Variants in CORO2B observed in about 807,000 individuals in gnomAD.
The protein encoded by CORO2B is coronin 2B.
CORO2B carries 26 observed loss-of-function variants against 58.8 expected under a neutral mutation model. The ratio of observed to expected loss-of-function variants is 0.44; its 90% CI spans 0.32 to 0.61. CORO2B has a LOEUF of 0.61. Ranked by LOEUF, CORO2B falls within the 20% of genes least tolerant of loss-of-function variation. The pLI is 0.04. For synonymous variants in CORO2B, 242 were observed against 253.8 expected, an observed-to-expected ratio of 0.95 and a Z score of 0.44; for missense variants, 460 against 645.1, an observed-to-expected ratio of 0.71 and a Z score of 3.11.
intron 2 of CORO2B, among the ~76,000 whole-genome samples, chr15:68,666,942 G>T (rs1902211694): frequency 6.6e-6 from 1 of 152,132 alleles, no homozygotes; most frequent in African/African-American, 2.4e-5. Context: ...GCATGCCCTT[G>T]GGTGAGATTT....
At chr15:68,549,918 G>C in the CORO2B span, among the ~76,000 whole-genome samples, 2 of 150,694 alleles carry the variant, frequency 1.3e-5, no homozygotes, top group African/African-American at 2.5e-5. Context: ...TCCAGCCTGG[G>C]CAACAGAGCA....
At chr15:68,568,398 A>G in the CORO2B span, among the ~76,000 whole-genome samples, 9 of 152,180 alleles carry the variant, frequency 5.9e-5, no homozygotes, top group East Asian at 7.7e-4. Flanking sequence ...TACCATTTTC[A>G]TCATCATTTC....
chr15:68,533,152 A>G, the CORO2B span, among the ~76,000 whole-genome samples: 7 of 152,182 alleles, frequency 4.6e-5, no homozygotes, highest in African/African-American at 1.7e-4. Flanking sequence ...GCCTCTAGAC[A>G]CAAATCCCCA....
chr15:68,560,039 A>G, the CORO2B span, among the ~76,000 whole-genome samples: 944 of 152,314 alleles, frequency 6.2e-3, 8 homozygotes, highest in African/African-American at 0.021. Flanking sequence ...CCCAGCAGGG[A>G]GATCCCGGTG....
At chr15:68,559,264 A>G in the CORO2B span, among the ~76,000 whole-genome samples, 4 of 152,138 alleles carry the variant, frequency 2.6e-5, no homozygotes, top group South Asian at 8.3e-4. The surrounding 1 kb of genome is among the most constrained non-coding windows in gnomAD (Gnocchi z 4.3). Context: ...TTTGCATAAG[A>G]AAAAATAATC....
At chr15:68,704,605 C>T (rs754393269) in intron 3 of CORO2B, among the ~76,000 whole-genome samples, 2 of 152,128 alleles carry the variant, frequency 1.3e-5, no homozygotes, top group Non-Finnish European at 2.9e-5. Flanking sequence ...TATTAACTGT[C>T]CTTATCAGCT....
intron 1 of CORO2B, chr15:68,632,342 G>A: frequency 2.0e-6 from 2 of 985,428 alleles, no homozygotes; most frequent in Non-Finnish European, 2.4e-6. Flanking sequence ...GCCCCACCTG[G>A]TAGGTAGCAG....
intron 1 of CORO2B, among the ~76,000 whole-genome samples, chr15:68,602,407 TCACACACACACACACACACACACACACA>T: frequency 7.2e-6 from 1 of 139,056 alleles, no homozygotes; most frequent in Admixed American, 7.2e-5. Context: ...TAGGGGCTGA[TCACACACACACACACACACACACACACA>T]CACACACACA....
intron 1 of CORO2B, among the ~76,000 whole-genome samples, chr15:68,610,271 G>A (rs750376397): frequency 3.9e-5 from 6 of 152,074 alleles, no homozygotes; most frequent in Non-Finnish European, 8.8e-5. Context: ...GTTCTCTAGC[G>A]CCTCGCCTCG....
intron 1 of CORO2B, among the ~76,000 whole-genome samples, chr15:68,596,740 G>A (rs1339495144): frequency 6.6e-6 from 1 of 152,196 alleles, no homozygotes; most frequent in African/African-American, 2.4e-5. Context: ...GGATGGTGTG[G>A]GAGGAGAGGG....
At chr15:68,667,372 T>G (rs1902227799) in intron 2 of CORO2B, among the ~76,000 whole-genome samples, 1 of 152,238 alleles carries the variant, frequency 6.6e-6, no homozygotes, top group African/African-American at 2.4e-5. Context: ...CTTGCCATGT[T>G]TGAGGCAGGG....
the CORO2B span, among the ~76,000 whole-genome samples, chr15:68,545,631 C>CGAGGGGGA: frequency 1.5e-5 from 2 of 131,044 alleles, no homozygotes; most frequent in African/African-American, 5.9e-5. Flanking sequence ...TAATACTGGG[C>CGAGGGGGA]GAGGGGGACT....
At chr15:68,668,915 C>T (rs2140293472) in intron 2 of CORO2B, among the ~76,000 whole-genome samples, 1 of 152,170 alleles carries the variant, frequency 6.6e-6, no homozygotes, top group Non-Finnish European at 1.5e-5. Flanking sequence ...CCCATCTCTA[C>T]TAAAAATACA....
chr15:68,572,940 CCTT>C, the CORO2B span, among the ~76,000 whole-genome samples: 64 of 152,256 alleles, frequency 4.2e-4, no homozygotes, highest in African/African-American at 1.5e-3. Context: ...GTCTGCGGCT[CCTT>C]CTCCCTGGTT....
At chr15:68,559,723 C>G in the CORO2B span, 2 of 827,394 alleles carry the variant, frequency 2.4e-6, no homozygotes, top group Non-Finnish European at 1.5e-6. This position sits in a 1 kb window ranked among gnomAD's most constrained non-coding sequence, Gnocchi z 4.3. Context: ...GGGGGACTGT[C>G]GGTGAGGCTG....
At position 68,710,594 on chromosome 15, in the gene CORO2B, C is replaced by A; in HGVS notation, c.334-138C>A. 3 of 1,023,606 alleles carry A rather than the reference C, an allele frequency of 2.9e-6. No homozygotes were observed. The highest frequency in any genetic ancestry group is 4.1e-6 in the Non-Finnish European group (3 of 738,864). The allele number at this position is 1,023,606 out of a possible 1,614,324, so 63.4% of individuals were successfully genotyped here. ...GACCTCCCAGCAGGCCTCAGTCGAG[C>A]TTTGCCCATCGCCTCAAGCCAGGAG... On this transcript the variant is annotated intron_variant, in intron 3 of 11. Transcript: ENST00000261861. This position sits in a 1 kb window ranked among gnomAD's most constrained non-coding sequence, Gnocchi z 4.1.
At chr15:68,543,078 G>A in the CORO2B span, among the ~76,000 whole-genome samples, 2 of 152,344 alleles carry the variant, frequency 1.3e-5, no homozygotes, top group African/African-American at 2.4e-5. Context: ...CATCAGGTTA[G>A]ACTGACGGAG....
At chr15:68,694,521 G>A (rs1053420008) in intron 2 of CORO2B, among the ~76,000 whole-genome samples, 1 of 152,144 alleles carries the variant, frequency 6.6e-6, no homozygotes, top group Non-Finnish European at 1.5e-5. Context: ...ACTGTGTACC[G>A]GTGTTCAAGA....
chr15:68,594,617 T>C (rs1899783607), intron 1 of CORO2B, among the ~76,000 whole-genome samples: 1 of 152,180 alleles, frequency 6.6e-6, no homozygotes, highest in South Asian at 2.1e-4. Context: ...TGCAGGAATA[T>C]GAGAAAGGGG....
Sources: gnomAD v4.1 joint callset for allele counts (sites outside exome capture counted in the v4.1 genomes callset) on GRCh38, gnomAD v4.1.1 for gene constraint, Gnocchi (gnomAD v3.1) non-coding constraint, MANE v1.5 for transcripts, NCBI Gene and HGNC (gene_info 2026-07-23, HGNC 2026-07-21) for gene names.